The following OXR1 variants were observed in gnomAD, a reference collection of about 807,000 sequenced individuals.
OXR1 encodes the protein oxidation resistance 1.
In OXR1, 41 loss-of-function variants were observed where a neutral mutation model predicts 104.6. That is an observed-to-expected ratio of 0.39 (90% CI 0.31 to 0.51). The LOEUF is 0.51. Ranked by LOEUF, OXR1 falls within the 20% of genes least tolerant of loss-of-function variation. The pLI is 0.77. For missense variants in OXR1, 955 were observed against 1,031.9 expected, an observed-to-expected ratio of 0.93 and a Z score of 1.02; for synonymous variants, 348 against 348.4, an observed-to-expected ratio of 1.00 and a Z score of 0.01.
intron 9 of OXR1, among the ~76,000 whole-genome samples, chr8:106,708,081 G>C (rs1831321022): frequency 6.6e-6 from 1 of 151,938 alleles, no homozygotes; most frequent in Non-Finnish European, 1.5e-5. Context: ...TTCTAAAACT[G>C]AAACTCTGTA....
At chr8:106,420,872 C>A (rs1451995068) in intron 2 of OXR1, among the ~76,000 whole-genome samples, 2 of 151,710 alleles carry the variant, frequency 1.3e-5, no homozygotes, top group Non-Finnish European at 2.9e-5. Flanking sequence ...TATTTAATTT[C>A]TGGATAGATG....
Position 106,707,112 on chromosome 8 carries a change from C to A in OXR1, c.1591C>A (p.His531Asn). 1.2e-6 allele frequency: 2 copies of A among 1,613,652 alleles called. No homozygotes were observed. Among genetic ancestry groups the A allele is most frequent in the Non-Finnish European group, 1.7e-6 (2 of 1,179,706 alleles). The change falls in exon 9 of 17, where the codon CAT becomes AAT. Residue 531 changes from histidine (H) to asparagine (N), a missense_variant. Transcript: ENST00000517566. ...IQQVSQKEAK[H>N]KITSADGHIE... ...ACAAGTGTCACAAAAAGAAGCTAAG[C>A]ATAAAATTACATCTGCTGATGGACA...
At chr8:106,641,708 C>T (rs1563662902) in intron 3 of OXR1, among the ~76,000 whole-genome samples, 1 of 151,986 alleles carries the variant, frequency 6.6e-6, no homozygotes, top group African/African-American at 2.4e-5. Context: ...GTTTTCTGAG[C>T]TTAGTTCTTA....
At chr8:106,637,471 AC>A (rs1256993006) in intron 3 of OXR1, among the ~76,000 whole-genome samples, 2 of 152,174 alleles carry the variant, frequency 1.3e-5, no homozygotes, top group Non-Finnish European at 2.9e-5. Context: ...TAATGAAGGA[AC>A]CAGTAAGATG....
intron 3 of OXR1, among the ~76,000 whole-genome samples, chr8:106,538,931 C>A (rs1259271574): frequency 6.6e-6 from 1 of 152,196 alleles, no homozygotes; most frequent in East Asian, 1.9e-4. Flanking sequence ...AGGTTTTTTA[C>A]ATCTTCATTT....
At chr8:106,584,151 A>G (rs1818452227) in intron 3 of OXR1, among the ~76,000 whole-genome samples, 1 of 152,214 alleles carries the variant, frequency 6.6e-6, no homozygotes, top group African/African-American at 2.4e-5. Flanking sequence ...TTAAAGGTAT[A>G]ATTGCATAAA....
intron 3 of OXR1, among the ~76,000 whole-genome samples, chr8:106,645,108 A>G (rs1475847626): frequency 6.6e-6 from 1 of 152,124 alleles, no homozygotes; most frequent in Non-Finnish European, 1.5e-5. Flanking sequence ...TACATAATGT[A>G]TAGGCTCTAA....
chr8:106,376,393 T>C (rs1378434535), intron 2 of OXR1, among the ~76,000 whole-genome samples: 1 of 152,146 alleles, frequency 6.6e-6, no homozygotes. Flanking sequence ...CCTAAAATTG[T>C]AGAGAATTTT....
intron 2 of OXR1, among the ~76,000 whole-genome samples, chr8:106,419,216 A>T (rs1818804703): frequency 6.6e-6 from 1 of 152,162 alleles, no homozygotes; most frequent in African/African-American, 2.4e-5. Flanking sequence ...TCTTACCCTG[A>T]CGAAGCATCT....
At chr8:106,384,277 A>G (rs1488511456) in intron 2 of OXR1, among the ~76,000 whole-genome samples, 1 of 152,208 alleles carries the variant, frequency 6.6e-6, no homozygotes, top group African/African-American at 2.4e-5. Flanking sequence ...TGTTCTGACA[A>G]TCCAGTGAAA....
intron 2 of OXR1, among the ~76,000 whole-genome samples, chr8:106,372,976 A>G (rs1288746579): frequency 2.6e-5 from 4 of 152,242 alleles, no homozygotes; most frequent in Non-Finnish European, 5.9e-5. Context: ...AGATTCAACC[A>G]ACCTCAGATT....
chr8:106,718,299 A>G (rs1708983899), intron 11 of OXR1, among the ~76,000 whole-genome samples: 1 of 152,192 alleles, frequency 6.6e-6, no homozygotes, highest in South Asian at 2.1e-4. Context: ...ATTTTTAAAA[A>G]TTTTAATTTC....
rs140573710 is a variant in OXR1, at chr8:106,622,269, C to A, written c.221-56941C>A. ...TCCAAACACCATCATCTTTTGACTG[C>A]ACTGTGCAAGAGACTCCCAACCGGC... On this transcript the variant is annotated intron_variant, in intron 3 of 16. Transcript: ENST00000517566. Among the ~76,000 whole-genome samples, 1,065 of 152,186 alleles carry A rather than the reference C, an allele frequency of 7.0e-3. 6 individuals carry two copies. Among genetic ancestry groups the A allele is most frequent in the Middle Eastern group, 0.048 (14 of 294 alleles).
intron 11 of OXR1, among the ~76,000 whole-genome samples, chr8:106,728,147 T>G (rs1410819286): frequency 6.6e-6 from 1 of 151,630 alleles, no homozygotes; most frequent in African/African-American, 2.4e-5. Context: ...TAGCAGTTCT[T>G]TTACCTGCTT....
chr8:106,751,274 T>C lies in OXR1; in HGVS notation c.*333T>C, dbSNP rs2131617800. ...GGATGGTGCTCTTTTGTTGAACCTG[T>C]ATTGATTTTTTTTTTTTTAACTATA... On this transcript the variant is annotated 3_prime_UTR_variant, in exon 17 of 17. Coordinates refer to ENST00000517566, the MANE Select transcript of OXR1 (RefSeq NM_001198533.2). The C allele has an allele frequency of 5.6e-6, 1 of 178,264 alleles. No individual in the cohort carries two copies. Among genetic ancestry groups the C allele is most frequent in the African/African-American group, 2.4e-5 (1 of 42,542 alleles). 11.0% of individuals were successfully genotyped at this position (178,264 alleles called of 1,614,324 possible). A position where few individuals can be genotyped will look rare whatever the true frequency, so the allele number is the denominator to read the frequency against.
intron 3 of OXR1, among the ~76,000 whole-genome samples, chr8:106,668,487 T>C (rs1341887090): frequency 6.6e-6 from 1 of 152,210 alleles, no homozygotes; most frequent in East Asian, 1.9e-4. Flanking sequence ...TACACCTTTC[T>C]TCTGGAATAC....
At position 106,298,923 on chromosome 8, in the gene OXR1, A is replaced by ATATG. The variant is rs1554619774; in HGVS notation, c.-139+28557_-139+28558insATGT. ...ATGAGAAAGATGCATTTATATATAT[A>ATATG]TGTGTGTGTGTGTGTGTGTCTATGT... On this transcript the variant is annotated intron_variant, in intron 1 of 16. Transcript: ENST00000517566. Among the ~76,000 whole-genome samples the ATATG allele has an allele frequency of 2.1e-4, 31 of 150,158 alleles. 1 individual carries two copies. Among genetic ancestry groups the ATATG allele is most frequent in the African/African-American group, 6.9e-4 (28 of 40,786 alleles).
intron 1 of OXR1, among the ~76,000 whole-genome samples, chr8:106,292,374 G>A (rs1281439064): frequency 6.6e-6 from 1 of 152,158 alleles, no homozygotes; most frequent in Non-Finnish European, 1.5e-5. Flanking sequence ...CCAAGAAATT[G>A]TGGAGAAGGA....
chr8:106,668,076 C>T (rs1312213595), intron 3 of OXR1, among the ~76,000 whole-genome samples: 1 of 151,784 alleles, frequency 6.6e-6, no homozygotes, highest in Non-Finnish European at 1.5e-5. Flanking sequence ...AGTTTCATTT[C>T]TCATTTTTCT....
Sources: allele counts gnomAD v4.1 joint callset (sites outside exome capture counted in the v4.1 genomes callset), GRCh38; gene constraint gnomAD v4.1.1; transcripts MANE v1.5; gene names NCBI Gene and HGNC (gene_info 2026-07-23, HGNC 2026-07-21).